The following CHN2 variants were observed in gnomAD, a reference collection of about 807,000 sequenced individuals.
CHN2 encodes the protein chimerin 2, also known as beta-chimaerin.
CHN2 carries 35 observed loss-of-function variants against 56.3 expected under a neutral mutation model. The observed-to-expected ratio is 0.62, with a 90% CI of 0.47 to 0.82. CHN2 has a LOEUF of 0.82. Among genes scored for constraint, CHN2 ranks in the 40% least tolerant of loss-of-function variants. The pLI, the probability that CHN2 is intolerant of heterozygous loss-of-function variation, is 0.00. For synonymous variants in CHN2, 210 were observed against 212.8 expected (o/e 0.99, Z 0.12); for missense variants, 491 against 580.5 (o/e 0.85, Z 1.58).
intron 1 of CHN2, among the ~76,000 whole-genome samples, chr7:29,233,707 C>T (rs10951211): frequency 0.39 from 59,191 of 151,428 alleles, 11,773 homozygotes; most frequent in East Asian, 0.54. Flanking sequence ...ATTGCTGGCC[C>T]TGAAGATGCA....
At position 29,513,239 on chromosome 7, in the gene CHN2, C is replaced by A. The variant is rs76079432; in HGVS notation, c.*504C>A. 6.5e-6 allele frequency: 1 copy of A among 152,770 alleles called. No individual in the cohort carries two copies. The highest frequency in any genetic ancestry group is 1.5e-5 in the Non-Finnish European group (1 of 68,202). 9.5% of individuals were successfully genotyped at this position (152,770 alleles called of 1,614,324 possible). A position where few individuals can be genotyped will look rare whatever the true frequency, so the allele number is the denominator to read the frequency against. ...GTGCATTGGTTATTACCCTGTGTACCTTGTCCCTCATTTTGCTGTGACACC... is the reference window on the plus strand; with the variant it reads ...GTGCATTGGTTATTACCCTGTGTACATTGTCCCTCATTTTGCTGTGACACC... On this transcript the variant is annotated 3_prime_UTR_variant, in exon 13 of 13. Transcript: ENST00000222792.
chr7:29,246,363 T>C (rs1421587476), intron 1 of CHN2, among the ~76,000 whole-genome samples: 3 of 152,150 alleles, frequency 2.0e-5, no homozygotes, highest in Non-Finnish European at 4.4e-5. Context: ...AGGGACTTAT[T>C]TGCTGGTAGT....
At chr7:29,495,669 C>T (rs908946464) in intron 7 of CHN2, among the ~76,000 whole-genome samples, 88 of 152,172 alleles carry the variant, frequency 5.8e-4, no homozygotes, top group Non-Finnish European at 1.2e-4. Flanking sequence ...CACACAGTGC[C>T]TTGTTGTGGG....
At chr7:29,358,355 AC>A (rs1798472217) in intron 2 of CHN2, among the ~76,000 whole-genome samples, 2 of 152,198 alleles carry the variant, frequency 1.3e-5, no homozygotes, top group African/African-American at 4.8e-5. Context: ...CTACGATCAC[AC>A]CATTGCACTC....
chr7:29,364,291 A>G (rs1027619209), intron 2 of CHN2, among the ~76,000 whole-genome samples: 2 of 152,226 alleles, frequency 1.3e-5, no homozygotes, highest in Non-Finnish European at 2.9e-5. Flanking sequence ...TCTTGCATAT[A>G]GCAGATGCTC....
intron 4 of CHN2, chr7:29,397,718 G>A (rs1490837969): frequency 6.6e-6 from 1 of 152,144 alleles, no homozygotes; most frequent in Admixed American, 6.6e-5. Flanking sequence ...AGTGATCATG[G>A]GCCAGCACAC....
chr7:29,344,815 G>C (rs1165053823), intron 1 of CHN2, among the ~76,000 whole-genome samples: 3 of 152,178 alleles, frequency 2.0e-5, no homozygotes, highest in African/African-American at 7.2e-5. Context: ...GGTGTGGGAA[G>C]AGCCTGACTG....
rs529349637 is a variant in CHN2, at chr7:29,464,974, A to G, written c.577-15305A>G. On this transcript the variant is annotated intron_variant, in intron 6 of 12. Coordinates refer to ENST00000222792, the MANE Select transcript of CHN2 (RefSeq NM_004067.4). The stretch of plus-strand genomic sequence containing the variant: ...GATCAAAGCCGCCAGCCGTGTTTTC[A>G]TCCCCAGAACCAATCTAAGCTACAA... 2.6e-5 allele frequency among the ~76,000 whole-genome samples: 4 copies of G among 152,310 alleles called. No homozygotes were observed. The South Asian group carries it at 8.3e-4, about 32-fold the overall frequency.
intron 1 of CHN2, chr7:29,212,265 C>A (rs926060664): frequency 1.1e-5 from 11 of 963,434 alleles, no homozygotes; most frequent in Non-Finnish European, 1.8e-5. Context: ...TCCAGTCCAC[C>A]TCTTAAATTT....
chr7:29,360,427 A>G (rs950324316), intron 2 of CHN2, among the ~76,000 whole-genome samples: 5 of 152,192 alleles, frequency 3.3e-5, no homozygotes, highest in Non-Finnish European at 5.9e-5. Flanking sequence ...AGGCTGAGGC[A>G]GGAGAATCCT....
At chr7:29,467,070 C>G (rs1425786367) in intron 6 of CHN2, among the ~76,000 whole-genome samples, 1 of 152,098 alleles carries the variant, frequency 6.6e-6, no homozygotes, top group Non-Finnish European at 1.5e-5. Context: ...TTATTGTACA[C>G]TCTTCACAAG....
At chr7:29,425,339 G>T (rs930344313) in intron 6 of CHN2, among the ~76,000 whole-genome samples, 1 of 152,250 alleles carries the variant, frequency 6.6e-6, no homozygotes, top group African/African-American at 2.4e-5. Context: ...GCTGCCAGCT[G>T]AGTCCCGGAG....
intron 2 of CHN2, chr7:29,185,372 C>A (rs1798584667): frequency 6.6e-6 from 1 of 152,168 alleles, no homozygotes; most frequent in Non-Finnish European, 1.5e-5. Flanking sequence ...GAGAAAATGT[C>A]ATGCTAATGT....
chr7:29,433,095 G>C (rs555596918), intron 6 of CHN2, among the ~76,000 whole-genome samples: 1 of 152,184 alleles, frequency 6.6e-6, no homozygotes, highest in Admixed American at 6.5e-5. Context: ...CTTTCATTCA[G>C]TGTTTAAGTC....
At chr7:29,267,792 G>A (rs1251491742) in intron 1 of CHN2, among the ~76,000 whole-genome samples, 1 of 152,206 alleles carries the variant, frequency 6.6e-6, no homozygotes. Flanking sequence ...GATGGACAAG[G>A]AGAGACTCAA....
chr7:29,398,288 C>T (rs1246459590), intron 4 of CHN2, 85 bp from the exon 5 acceptor site: 2 of 1,033,112 alleles, frequency 1.9e-6, no homozygotes, highest in East Asian at 4.8e-5. Context: ...TTCTGGGTGC[C>T]CCCACCATCC....
chr7:29,324,615 T>A (rs951548370), intron 1 of CHN2, among the ~76,000 whole-genome samples: 1 of 152,132 alleles, frequency 6.6e-6, no homozygotes, highest in African/African-American at 2.4e-5. Flanking sequence ...CTTTTTTTTT[T>A]TTTTTAATTT....
intron 6 of CHN2, chr7:29,479,613 C>A (rs1786908799): frequency 1.0e-6 from 1 of 962,374 alleles, no homozygotes; most frequent in Non-Finnish European, 1.3e-6. Flanking sequence ...AAGGTTTAAT[C>A]TGTTGGAGCT....
In CHN2 at chr7:29,513,526, T is replaced by C. The variant is rs1791724127; in HGVS notation, c.*791T>C. 6.6e-6 allele frequency: 1 copy of C among 152,232 alleles called. No homozygotes were observed. The highest frequency in any genetic ancestry group is 1.5e-5 in the Non-Finnish European group (1 of 68,052). The allele number at this position is 152,232 out of a possible 1,614,324, so 9.4% of individuals were successfully genotyped here. Reference sequence around the variant, plus strand: ...GGTCATAGTCTTTTCGTATCATGAGTGTGTATCCCAGAAGATACAGAATGC... The same window carrying C: ...GGTCATAGTCTTTTCGTATCATGAGCGTGTATCCCAGAAGATACAGAATGC... On this transcript the variant is annotated 3_prime_UTR_variant, in exon 13 of 13. Transcript: ENST00000222792.
Sources: allele counts gnomAD v4.1 joint callset (sites outside exome capture counted in the v4.1 genomes callset), GRCh38; gene constraint gnomAD v4.1.1; transcripts MANE v1.5; gene names NCBI Gene and HGNC (gene_info 2026-07-23, HGNC 2026-07-21).